Variants in STARD13 observed in about 807,000 individuals in gnomAD.
STARD13 encodes StAR related lipid transfer domain containing 13, also known as stAR-related lipid transfer protein 13.
A neutral mutation model predicts 106.4 loss-of-function variants in STARD13; 62 were observed. The observed-to-expected ratio is 0.58, with a 90% confidence interval of 0.48 to 0.72. The LOEUF is 0.72. Ranked by LOEUF, STARD13 falls within the 30% of genes least tolerant of loss-of-function variation. The pLI is 0.00. For synonymous variants in STARD13, 565 were observed against 553.0 expected, an observed-to-expected ratio of 1.02 and a Z score of -0.31; for missense variants, 1,387 against 1,424.0, an observed-to-expected ratio of 0.97 and a Z score of 0.42.
intron 1 of STARD13, among the ~76,000 whole-genome samples, chr13:33,237,827 A>G (rs1889268839): frequency 6.6e-6 from 1 of 152,240 alleles, no homozygotes; most frequent in Non-Finnish European, 1.5e-5. Context: ...TTTATGGCTT[A>G]GAATCAAATG....
the STARD13 span, among the ~76,000 whole-genome samples, chr13:33,397,025 T>C: frequency 6.6e-6 from 1 of 152,020 alleles, no homozygotes; most frequent in African/African-American, 2.4e-5. Context: ...GACCAGAAAA[T>C]TGGAGAGTAG....
chr13:33,378,293 G>A, the STARD13 span, among the ~76,000 whole-genome samples: 154 of 152,284 alleles, frequency 1.0e-3, no homozygotes, highest in Non-Finnish European at 1.5e-3. Flanking sequence ...CACACAGGGA[G>A]CTGTCACCCC....
chr13:33,594,773 G>C, the STARD13 span, among the ~76,000 whole-genome samples: 1 of 152,148 alleles, frequency 6.6e-6, no homozygotes, highest in Admixed American at 6.6e-5. Context: ...TGCAGAACTT[G>C]TCCTTTGTGA....
At chr13:33,514,640 C>CA in the STARD13 span, among the ~76,000 whole-genome samples, 1 of 152,096 alleles carries the variant, frequency 6.6e-6, no homozygotes, top group African/African-American at 2.4e-5. Flanking sequence ...GTTACCTTTG[C>CA]AGCTGCACGC....
the STARD13 span, among the ~76,000 whole-genome samples, chr13:33,637,893 T>C: frequency 9.4e-3 from 1,429 of 152,328 alleles, 32 homozygotes; most frequent in African/African-American, 0.033. Context: ...AAATGTAAAA[T>C]AAATGGGTCT....
chr13:33,180,461 G>A (rs1323738944), intron 1 of STARD13: 1 of 152,166 alleles, frequency 6.6e-6, no homozygotes, highest in East Asian at 1.9e-4. Context: ...CAGACATGTG[G>A]GCTTCATTAA....
intron 4 of STARD13, among the ~76,000 whole-genome samples, chr13:33,132,868 G>C (rs1201458902): frequency 6.6e-6 from 1 of 152,176 alleles, no homozygotes; most frequent in Non-Finnish European, 1.5e-5. Context: ...TTTCCTACTA[G>C]TACTTTCTAC....
chr13:33,632,656 G>A, the STARD13 span, among the ~76,000 whole-genome samples: 1 of 152,184 alleles, frequency 6.6e-6, no homozygotes, highest in Middle Eastern at 3.4e-3. Flanking sequence ...CTCTTCACTG[G>A]CATATATTTT....
chr13:33,390,860 TC>T, the STARD13 span, among the ~76,000 whole-genome samples: 3 of 152,168 alleles, frequency 2.0e-5, no homozygotes, highest in African/African-American at 7.2e-5. Flanking sequence ...AATCTCTGTG[TC>T]CCTTTTCTCC....
the STARD13 span, among the ~76,000 whole-genome samples, chr13:33,483,089 C>T: frequency 6.6e-6 from 1 of 152,140 alleles, no homozygotes; most frequent in Non-Finnish European, 1.5e-5. Flanking sequence ...AAGGAAGTCA[C>T]AAAATTCTAA....
chr13:33,505,968 C>A, the STARD13 span, among the ~76,000 whole-genome samples: 1 of 152,052 alleles, frequency 6.6e-6, no homozygotes. Flanking sequence ...GAAATATTTA[C>A]TAATGGTACA....
At chr13:33,113,902 G>A (rs1437013838) in intron 8 of STARD13, among the ~76,000 whole-genome samples, 3 of 152,172 alleles carry the variant, frequency 2.0e-5, no homozygotes, top group Admixed American at 1.3e-4. Context: ...CTCTCACTGC[G>A]AAAGACACCG....
chr13:33,153,830 C>T (rs573595233), intron 3 of STARD13, among the ~76,000 whole-genome samples: 13 of 152,200 alleles, frequency 8.5e-5, no homozygotes, highest in African/African-American at 3.1e-4. Context: ...TGATTAAAGC[C>T]TAGCAGCCTG....
At chr13:33,499,562 TTC>T in the STARD13 span, among the ~76,000 whole-genome samples, 1 of 62,768 alleles carries the variant, frequency 1.6e-5, no homozygotes, top group African/African-American at 5.8e-5. Context: ...CTTCTTCTTC[TTC>T]TTCTTCTTCT....
intron 1 of STARD13, among the ~76,000 whole-genome samples, chr13:33,225,325 A>G (rs1888567320): frequency 6.6e-6 from 1 of 152,178 alleles, no homozygotes; most frequent in Admixed American, 6.5e-5. Flanking sequence ...GGTTTTTTAC[A>G]GTTATTTTCT....
At chr13:33,447,043 A>G in the STARD13 span, among the ~76,000 whole-genome samples, 43 of 152,346 alleles carry the variant, frequency 2.8e-4, no homozygotes, top group African/African-American at 1.0e-3. Context: ...TTAATACATG[A>G]ACAAAGAAAG....
the STARD13 span, among the ~76,000 whole-genome samples, chr13:33,606,232 T>C: frequency 0.12 from 18,100 of 151,972 alleles, 1,583 homozygotes; most frequent in East Asian, 0.25. Context: ...ACTCCGGAGG[T>C]GGAGGTTGCA....
the STARD13 span, among the ~76,000 whole-genome samples, chr13:33,609,350 T>C: frequency 2.6e-5 from 4 of 152,096 alleles, no homozygotes; most frequent in African/African-American, 9.7e-5. Flanking sequence ...TCAACTTCAC[T>C]AGTTCTCACG....
intron 3 of STARD13, among the ~76,000 whole-genome samples, chr13:33,156,064 C>T (rs1045601771): frequency 3.9e-5 from 6 of 152,230 alleles, no homozygotes; most frequent in Admixed American, 3.3e-4. Flanking sequence ...GGCTGCATTA[C>T]GCCCCCATTA....
Sources: gnomAD v4.1 joint callset for allele counts (sites outside exome capture counted in the v4.1 genomes callset) on GRCh38, gnomAD v4.1.1 for gene constraint, MANE v1.5 for transcripts, NCBI Gene and HGNC (gene_info 2026-07-23, HGNC 2026-07-21) for gene names.